The following DAGLB variants were observed in gnomAD, a reference collection of about 807,000 sequenced individuals.
DAGLB encodes diacylglycerol lipase-beta.
Under a neutral mutation model 72.1 loss-of-function variants are expected in DAGLB, and 66 were observed. That is an observed-to-expected ratio of 0.92 (90% CI 0.75 to 1.12). The LOEUF is 1.12. DAGLB is among the 50% of genes most tolerant of loss of function. The probability of loss-of-function intolerance (pLI) is 0.00; values close to 1 mark genes in which losing one functional copy is unlikely to be tolerated. For missense variants in DAGLB, 1,065 were observed against 884.9 expected, an observed-to-expected ratio of 1.20 and a Z score of -2.58; for synonymous variants, 414 against 359.5, an observed-to-expected ratio of 1.15 and a Z score of -1.71.
intron 5 of DAGLB, among the ~76,000 whole-genome samples, 178 bp downstream of exon 5, chr7:6,432,659 T>TAAAA (rs777686699): frequency 5.1e-4 from 21 of 41,388 alleles, no homozygotes; most frequent in Admixed American, 1.6e-3. Flanking sequence ...GACTCCGTCT[T>TAAAA]AAAAAAAAAA....
chr7:6,411,672 C>T (rs569043376), intron 13 of DAGLB, among the ~76,000 whole-genome samples: 103 of 152,158 alleles, frequency 6.8e-4, no homozygotes, highest in Non-Finnish European at 1.2e-3. Context: ...ATTTAAATTG[C>T]GTTTCTTCTT....
At chr7:6,427,287 G>A (rs947771805) in intron 6 of DAGLB, among the ~76,000 whole-genome samples, 1 of 152,130 alleles carries the variant, frequency 6.6e-6, no homozygotes, top group Non-Finnish European at 1.5e-5. Context: ...ATGTTGCTGG[G>A]AGCCAAGCTT....
intron 11 of DAGLB, 178 bp downstream of exon 11, chr7:6,416,449 A>T: frequency 1.2e-6 from 1 of 845,784 alleles, no homozygotes; most frequent in Non-Finnish European, 1.7e-6. Context: ...AGGCTGAGGC[A>T]GAAGAACCGC....
chr7:6,431,939 G>C (rs1046556137), intron 5 of DAGLB, among the ~76,000 whole-genome samples: 2 of 152,168 alleles, frequency 1.3e-5, no homozygotes, highest in African/African-American at 4.8e-5. Context: ...AACTGCTGTA[G>C]GGTCCTAGGC....
intron 13 of DAGLB, 40 bp from the exon 14 acceptor site, chr7:6,410,420 CCT>C (rs67893418): frequency 0.019 from 29,717 of 1,557,512 alleles, 1,802 homozygotes; most frequent in African/African-American, 0.19. Flanking sequence ...TGTCACTCAC[CCT>C]CTGTCACCCG....
intron 9 of DAGLB, among the ~76,000 whole-genome samples, chr7:6,421,312 CA>C (rs1784112069): frequency 7.6e-5 from 3 of 39,348 alleles, no homozygotes; most frequent in African/African-American, 4.2e-4. Flanking sequence ...GAGAATCAGG[CA>C]GCGCGGGAGG....
chr7:6,435,172 G>C, intron 3 of DAGLB, 152 bp from the exon 4 acceptor site: 1 of 1,162,916 alleles, frequency 8.6e-7, no homozygotes, highest in Admixed American at 2.7e-5. Flanking sequence ...ACCTGCCTGA[G>C]GCAAGCAACT....
rs568144670 is a variant in DAGLB at position 6,421,643 on chromosome 7, G to A, written c.1218+84C>T. 19 of 1,406,544 alleles carry A rather than the reference G, an allele frequency of 1.4e-5. No homozygotes were observed. The South Asian group carries it at 2.5e-4, about 19-fold the overall frequency. 87.1% of individuals were successfully genotyped at this position (1,406,544 alleles called of 1,614,324 possible). On this transcript the variant is annotated intron_variant, in intron 9 of 14. Transcript: ENST00000297056. ...CAGCGCGGGAGGCGCAGGCAGCGCGGGCTCTGTGCAGTCCCTGACCCGAGG... is the reference window on the plus strand; with the variant it reads ...CAGCGCGGGAGGCGCAGGCAGCGCGAGCTCTGTGCAGTCCCTGACCCGAGG...
At chr7:6,420,914 C>T (rs963604789) in intron 9 of DAGLB, among the ~76,000 whole-genome samples, 1 of 152,190 alleles carries the variant, frequency 6.6e-6, no homozygotes, top group Non-Finnish European at 1.5e-5. Context: ...GCAGAGCGCC[C>T]GTGGGGTGGG....
chr7:6,432,514 G>A (rs1449283174), intron 5 of DAGLB, among the ~76,000 whole-genome samples: 1 of 151,672 alleles, frequency 6.6e-6, no homozygotes, highest in Non-Finnish European at 1.5e-5. Context: ...AAAAAAATTA[G>A]CCAGGTGTGG....
intron 2 of DAGLB, among the ~76,000 whole-genome samples, chr7:6,443,581 C>G (rs534903367): frequency 2.6e-5 from 4 of 152,322 alleles, no homozygotes; most frequent in African/African-American, 9.6e-5. Flanking sequence ...GATGTTGCTG[C>G]TAACATTTCT....
In DAGLB at chr7:6,409,692, T is replaced by G; in HGVS notation, c.*145A>C. 1.0e-6 allele frequency: 1 copy of G among 974,866 alleles called. No individual in the cohort carries two copies. The highest frequency in any genetic ancestry group is 1.5e-6 in the Non-Finnish European group (1 of 671,242). 60.4% of individuals were successfully genotyped at this position (974,866 alleles called of 1,614,324 possible). On this transcript the variant is annotated 3_prime_UTR_variant, in exon 15 of 15. Transcript: ENST00000297056. The stretch of plus-strand genomic sequence containing the variant: ...AATGACTTCCCATAAACTTAAGTCA[T>G]TGAGACCATGGAATTCTGTTCCCAT...
intron 4 of DAGLB, 78 bp from the exon 5 acceptor site, chr7:6,433,037 T>C (rs1784539213): frequency 6.5e-7 from 1 of 1,548,840 alleles, no homozygotes. Flanking sequence ...CAGTCTTCTA[T>C]AGTTGATAGG....
intron 2 of DAGLB, among the ~76,000 whole-genome samples, chr7:6,439,926 C>T (rs1472088629): frequency 2.0e-5 from 3 of 151,674 alleles, no homozygotes; most frequent in Non-Finnish European, 2.9e-5. Flanking sequence ...GTGGTGGGCG[C>T]CTGTAATCCC....
chr7:6,444,667 A>G (rs1459125564), intron 2 of DAGLB, among the ~76,000 whole-genome samples: 1 of 152,198 alleles, frequency 6.6e-6, no homozygotes, highest in Non-Finnish European at 1.5e-5. Context: ...AGATCTGAAC[A>G]GACATTTCCG....
chr7:6,437,784 G>C (rs974248163), intron 2 of DAGLB, among the ~76,000 whole-genome samples: 1 of 152,130 alleles, frequency 6.6e-6, no homozygotes, highest in Non-Finnish European at 1.5e-5. Context: ...TAGTAGCTGG[G>C]ATTAGAGGCA....
At chr7:6,440,730 A>T (rs2115293775) in intron 2 of DAGLB, among the ~76,000 whole-genome samples, 1 of 151,956 alleles carries the variant, frequency 6.6e-6, no homozygotes, top group Non-Finnish European at 1.5e-5. Flanking sequence ...TTAGACAGGC[A>T]TAGTAGTGTG....
intron 2 of DAGLB, among the ~76,000 whole-genome samples, chr7:6,441,092 A>ATT (rs34344272): frequency 2.1e-4 from 29 of 139,228 alleles, no homozygotes; most frequent in Non-Finnish European, 3.1e-4. Flanking sequence ...CAAACTGACA[A>ATT]TTTTTTTTTT....
intron 13 of DAGLB, among the ~76,000 whole-genome samples, chr7:6,411,299 G>A (rs926159339): frequency 1.1e-4 from 16 of 150,926 alleles, no homozygotes; most frequent in Non-Finnish European, 1.9e-4. Context: ...GTGAGCCACC[G>A]GGCCCGCCCT....
Sources: gnomAD v4.1 joint callset for allele counts (sites outside exome capture counted in the v4.1 genomes callset) on GRCh38, gnomAD v4.1.1 for gene constraint, MANE v1.5 for transcripts, NCBI Gene and HGNC (gene_info 2026-07-23, HGNC 2026-07-21) for gene names.